The following PKP4 variants were observed in gnomAD, a reference collection of about 807,000 sequenced individuals.
PKP4 encodes plakophilin 4, also known as plakophilin-4.
Under a neutral mutation model 145.1 loss-of-function variants are expected in PKP4, and 90 were observed. That is an observed-to-expected ratio of 0.62 (90% CI 0.52 to 0.74). The LOEUF (loss-of-function observed/expected upper bound fraction) is 0.74. Among genes scored for constraint, PKP4 ranks in the 30% least tolerant of loss-of-function variants. The probability of loss-of-function intolerance (pLI) is 0.00; values close to 1 mark genes in which losing one functional copy is unlikely to be tolerated. For synonymous variants in PKP4, 563 were observed against 577.2 expected (o/e 0.98, Z 0.35); for missense variants, 1,340 against 1,482.7 (o/e 0.90, Z 1.58).
intron 2 of PKP4, among the ~76,000 whole-genome samples, chr2:158,553,950 G>A (rs2045849804): frequency 6.6e-6 from 1 of 152,128 alleles, no homozygotes; most frequent in African/African-American, 2.4e-5. Context: ...ATGCTGTAAT[G>A]GTTTGAGACT....
chr2:158,630,887 T>A (rs1000096530), intron 7 of PKP4, among the ~76,000 whole-genome samples: 4 of 152,226 alleles, frequency 2.6e-5, no homozygotes, highest in African/African-American at 4.8e-5. Flanking sequence ...TTATTTTTCT[T>A]AGAAAACCTA....
At position 158,554,953 on chromosome 2, in the gene PKP4, T is replaced by C. The variant is rs77124552; in HGVS notation, c.132+21637T>C. Among the ~76,000 whole-genome samples, 715 of 149,632 alleles carry C rather than the reference T, an allele frequency of 4.8e-3. 3 individuals are homozygous for C. The highest frequency in any genetic ancestry group is 0.016 in the African/African-American group (653 of 41,240). On this transcript the variant is annotated intron_variant, in intron 2 of 21. Coordinates refer to ENST00000389759, the MANE Select transcript of PKP4 (RefSeq NM_003628.6). ...ACTTGCACAGTGCATGTTTCTGTTATGATTATTTGCTATTTACTTGTTTAA... is the reference window on the plus strand; with the variant it reads ...ACTTGCACAGTGCATGTTTCTGTTACGATTATTTGCTATTTACTTGTTTAA...
intron 3 of PKP4, among the ~76,000 whole-genome samples, chr2:158,596,701 C>T (rs541503087): frequency 6.6e-5 from 10 of 151,342 alleles, no homozygotes; most frequent in East Asian, 1.9e-4. Flanking sequence ...GATCATGTAA[C>T]GCTACTCATT....
intron 7 of PKP4, among the ~76,000 whole-genome samples, chr2:158,630,664 G>A (rs1391490794): frequency 3.9e-5 from 6 of 152,290 alleles, no homozygotes; most frequent in Admixed American, 3.3e-4. Context: ...AAAGAGGTGC[G>A]AGATGGTGGG....
intron 1 of PKP4, among the ~76,000 whole-genome samples, chr2:158,478,665 C>T (rs1166157980): frequency 6.6e-6 from 1 of 152,150 alleles, no homozygotes; most frequent in African/African-American, 2.4e-5. Context: ...ATTTTGGTAA[C>T]TGTTAAAAAA....
chr2:158,470,860 G>T (rs933577237), intron 1 of PKP4, among the ~76,000 whole-genome samples: 4 of 152,140 alleles, frequency 2.6e-5, no homozygotes, highest in African/African-American at 9.7e-5. Context: ...TCCTGAGAAG[G>T]CCTCCCACTG....
intron 1 of PKP4, among the ~76,000 whole-genome samples, chr2:158,473,197 T>C (rs531666770): frequency 5.3e-5 from 8 of 152,304 alleles, no homozygotes; most frequent in South Asian, 4.1e-4. Context: ...AGAACACTTA[T>C]ATACGGTTGG....
chr2:158,555,621 G>A (rs1188473390), intron 2 of PKP4, among the ~76,000 whole-genome samples: 4 of 152,224 alleles, frequency 2.6e-5, no homozygotes, highest in Non-Finnish European at 5.9e-5. Context: ...TAAATGTCTT[G>A]TATTTGGATG....
intron 3 of PKP4, among the ~76,000 whole-genome samples, chr2:158,593,126 T>G (rs1195168820): frequency 6.6e-6 from 1 of 152,186 alleles, no homozygotes; most frequent in Non-Finnish European, 1.5e-5. Flanking sequence ...TCTTCACCTT[T>G]GGAAGGTTTT....
chr2:158,580,739 G>A (rs2048263637), intron 3 of PKP4, among the ~76,000 whole-genome samples: 1 of 152,168 alleles, frequency 6.6e-6, no homozygotes, highest in African/African-American at 2.4e-5. Flanking sequence ...CTGAGCTGTG[G>A]TTGGAATGGT....
intron 1 of PKP4, among the ~76,000 whole-genome samples, chr2:158,464,258 T>C (rs1017171826): frequency 6.6e-6 from 1 of 152,242 alleles, no homozygotes; most frequent in African/African-American, 2.4e-5. Context: ...TTTAGGTTCA[T>C]AGGGAACTCG....
intron 17 of PKP4, among the ~76,000 whole-genome samples, chr2:158,673,249 T>A (rs1210042947): frequency 6.6e-6 from 1 of 152,200 alleles, no homozygotes; most frequent in Non-Finnish European, 1.5e-5. Flanking sequence ...GGTATTTAGA[T>A]GAAGGCTTAA....
chr2:158,563,541 A>G (rs1469930828), intron 2 of PKP4, among the ~76,000 whole-genome samples: 2 of 152,112 alleles, frequency 1.3e-5, no homozygotes, highest in South Asian at 2.1e-4. Context: ...CTTTCTAGCA[A>G]TTGCATGGAA....
At chr2:158,529,362 C>G (rs2043303582) in intron 1 of PKP4, among the ~76,000 whole-genome samples, 2 of 152,196 alleles carry the variant, frequency 1.3e-5, no homozygotes, top group East Asian at 1.9e-4. Flanking sequence ...GTCAAACTTT[C>G]TTTTCTTGTT....
At chr2:158,501,516 A>G (rs751025052) in intron 1 of PKP4, among the ~76,000 whole-genome samples, 3 of 152,160 alleles carry the variant, frequency 2.0e-5, no homozygotes, top group Admixed American at 6.5e-5. Context: ...TTTCTCATCT[A>G]GCAGCTGCCT....
intron 8 of PKP4, among the ~76,000 whole-genome samples, chr2:158,633,667 G>A (rs886395253): frequency 2.6e-5 from 4 of 152,188 alleles, no homozygotes; most frequent in Non-Finnish European, 2.9e-5. Context: ...CTGGGTACAC[G>A]AAGTGTTAAA....
In PKP4 at chr2:158,678,840, C is replaced by G. The variant is rs1465566395; in HGVS notation, c.3330+186C>G. ...AGCATTTCCACGGTAGCCTCACGTTCTTGAGTATCCACATCGGTACTGCTG... is the reference window on the plus strand; with the variant it reads ...AGCATTTCCACGGTAGCCTCACGTTGTTGAGTATCCACATCGGTACTGCTG... On this transcript the variant is annotated intron_variant, in intron 21 of 21. Transcript: ENST00000389759. The G allele has an allele frequency of 6.5e-6, 4 of 618,644 alleles. No homozygotes were observed. The African/African-American group carries it at 7.4e-5, about 11-fold the overall frequency. The allele number at this position is 618,644 out of a possible 1,614,324, so 38.3% of individuals were successfully genotyped here. A position where few individuals can be genotyped will look rare whatever the true frequency, so the allele number is the denominator to read the frequency against.
intron 2 of PKP4, among the ~76,000 whole-genome samples, chr2:158,568,504 T>C (rs560108655): frequency 9.6e-4 from 146 of 152,310 alleles, no homozygotes; most frequent in Admixed American, 1.8e-3. Context: ...GAGGTGTGTC[T>C]GGGTAAGGCC....
chr2:158,508,059 T>C (rs555423563), intron 1 of PKP4, among the ~76,000 whole-genome samples: 1 of 152,070 alleles, frequency 6.6e-6, no homozygotes, highest in African/African-American at 2.4e-5. Flanking sequence ...ACCCAGGACA[T>C]TGAAAATAGA....
Sources: allele counts gnomAD v4.1 joint callset (sites outside exome capture counted in the v4.1 genomes callset), GRCh38; gene constraint gnomAD v4.1.1; transcripts MANE v1.5; gene names NCBI Gene and HGNC (gene_info 2026-07-23, HGNC 2026-07-21).